MAN1B1: variants seen among roughly 807,000 people sequenced by gnomAD.
MAN1B1 encodes mannosidase alpha class 1B member 1.
A neutral mutation model predicts 75.5 loss-of-function variants in MAN1B1; 66 were observed. The observed-to-expected ratio is 0.87, with a 90% confidence interval of 0.72 to 1.07. The LOEUF is 1.07. Ranked by LOEUF, MAN1B1 falls within the 50% of genes least tolerant of loss-of-function variation. MAN1B1 has a pLI of 0.00. For synonymous variants in MAN1B1, 453 were observed against 382.8 expected (o/e 1.18, Z -2.14); for missense variants, 973 against 912.5 (o/e 1.07, Z -0.85).
chr9:137,088,794 G>A (rs1436485788), intron 2 of MAN1B1, 75 bp from the exon 3 acceptor site: 4 of 1,507,296 alleles, frequency 2.7e-6, no homozygotes, highest in Admixed American at 3.4e-5. Context: ...TGCCTGCCAA[G>A]TGTTTTTATA....
intron 8 of MAN1B1, chr9:137,103,415 C>G: frequency 2.3e-6 from 1 of 431,406 alleles, no homozygotes; most frequent in South Asian, 1.6e-5. Flanking sequence ...GGTGGTGTTA[C>G]ATTCACGCTG....
In MAN1B1 at chr9:137,108,612, G is replaced by C. The variant is rs955195943; in HGVS notation, c.*21G>C. Reference sequence around the variant, plus strand: ...CCTAGGGTGGATGGCTGCTGGTGTGGGGACTTCGGGTGGGCAGAGGCACCT... The same window carrying C: ...CCTAGGGTGGATGGCTGCTGGTGTGCGGACTTCGGGTGGGCAGAGGCACCT... On this transcript the variant is annotated 3_prime_UTR_variant, in exon 13 of 13. Transcript: ENST00000371589. 1 of 1,612,120 alleles carries C rather than the reference G, an allele frequency of 6.2e-7. No homozygotes were observed. Among genetic ancestry groups the C allele is most frequent in the Non-Finnish European group, 8.5e-7 (1 of 1,178,810 alleles).
intron 9 of MAN1B1, 104 bp downstream of exon 9, chr9:137,106,419 C>G (rs896269759): frequency 8.7e-7 from 1 of 1,150,866 alleles, no homozygotes; most frequent in Non-Finnish European, 1.2e-6. Flanking sequence ...TGCTGCCCCC[C>G]GCCACACTGT....
Position 137,097,907 on chromosome 9 carries a change from C to A in MAN1B1, c.700C>A (p.Leu234Met). 6.4e-7 allele frequency: 1 copy of A among 1,559,864 alleles called. No individual in the cohort carries two copies. The highest frequency in any genetic ancestry group is 8.7e-7 in the Non-Finnish European group (1 of 1,152,340). The change falls in exon 5 of 13, where the codon CTG (leucine) becomes ATG (methionine). Residue 234 changes from leucine (L) to methionine (M), a missense_variant. Leu to Met is a conservative substitution (Grantham distance 15, BLOSUM62 2). Transcript: ENST00000371589. ...AGCAGAAGTGCCCACCAAGCCTCCC[C>A]TGCCACCGGCCAGGACACAGGGCAC... is the stretch of plus-strand genomic sequence containing the variant. ...RRAEVPTKPP[L>M]PPARTQGTPV...
chr9:137,107,697 C>T, intron 12 of MAN1B1, 35 bp downstream of exon 12: 1 of 1,610,512 alleles, frequency 6.2e-7, no homozygotes, highest in South Asian at 1.1e-5. Context: ...TGGTCACGGC[C>T]ACCGGGCCAC....
At chr9:137,105,354 CACACGCCA>C (rs1831056910) in intron 8 of MAN1B1, 1 of 76,380 alleles carries the variant, frequency 1.3e-5, no homozygotes, top group East Asian at 1.1e-3. Flanking sequence ...GTGAGGCTCC[CACACGCCA>C]TCCACGTGAG....
intron 8 of MAN1B1, chr9:137,105,332 C>T (rs1369268531): frequency 6.3e-6 from 1 of 159,018 alleles, no homozygotes; most frequent in Admixed American, 6.5e-5. Context: ...AAGTGCAGCC[C>T]ACACCATCCA....
intron 7 of MAN1B1, 59 bp downstream of exon 7, chr9:137,101,212 C>G (rs1830800782): frequency 1.3e-6 from 2 of 1,593,476 alleles, no homozygotes; most frequent in South Asian, 2.2e-5. Flanking sequence ...GCAGTTACCC[C>G]TTTAGTGGAC....
chr9:137,106,684 C>T lies in MAN1B1; in HGVS notation c.1446-5C>T, dbSNP rs1564312431. 4.3e-6 allele frequency: 7 copies of T among 1,613,266 alleles called. No homozygotes were observed. The highest frequency in any genetic ancestry group is 1.3e-5 in the African/African-American group (1 of 74,940). On this transcript the variant is annotated splice_polypyrimidine_tract_variant and splice_region_variant and intron_variant, in intron 9 of 12. Transcript: ENST00000371589. ...GTAGAGTGAGATGACTGCTGGTGTC[C>T]ACAGGCTGCTGGAAGACTACGTGGA...
chr9:137,093,797 G>C (rs1430783531), intron 3 of MAN1B1, among the ~76,000 whole-genome samples: 1 of 151,972 alleles, frequency 6.6e-6, no homozygotes, highest in African/African-American at 2.4e-5. Flanking sequence ...TCGCGCCACT[G>C]CACTCCAGCC....
At position 137,107,611 on chromosome 9, in the gene MAN1B1, A is replaced by G. The variant is rs77684216; in HGVS notation, c.1845A>G (p.Lys615=). The G allele has an allele frequency of 5.8e-4, 927 of 1,611,520 alleles. 4 individuals are homozygous for G. The African/African-American group carries it at 0.011, about 20-fold the overall frequency. ...TGTACCGCGTCACAGGGGACCGCAA[A>G]TACCAGGACTGGGGCTGGGAGATTC... ...FYLYRVTGDR[K]YQDWGWEILQ... Residue 615 remains lysine (K), a synonymous_variant, in exon 12 of 13, where the codon AAA becomes AAG. Coordinates refer to ENST00000371589, the MANE Select transcript of MAN1B1 (RefSeq NM_016219.5).
chr9:137,102,098 G>A (rs1393401029), intron 8 of MAN1B1: 2 of 447,954 alleles, frequency 4.5e-6, no homozygotes, highest in Admixed American at 4.9e-5. Flanking sequence ...TGCTGTTGCA[G>A]GCGTGCAGGT....
In MAN1B1 at chr9:137,098,542, C is replaced by T. The variant is rs560446631; in HGVS notation, c.730+605C>T. Among the ~76,000 whole-genome samples, 5 of 152,220 alleles carry T rather than the reference C, an allele frequency of 3.3e-5. No homozygotes were observed. The East Asian group carries it at 9.6e-4, about 29-fold the overall frequency. On this transcript the variant is annotated intron_variant, in intron 5 of 12. Coordinates refer to ENST00000371589, the MANE Select transcript of MAN1B1 (RefSeq NM_016219.5). ...TCTGAGGTGGGGAGGGAGCCCAGAG[C>T]CAGGACTCCCAGCCCCGGGCCTGTG...
In MAN1B1 at chr9:137,107,347, C is replaced by T. The variant is rs1276561361; in HGVS notation, c.1664C>T (p.Thr555Ile). The change falls in exon 11 of 13, where the codon ACT becomes ATT. Residue 555 changes from threonine to isoleucine, a missense_variant. By Grantham distance (89) the Thr-to-Ile change is moderately conservative. Transcript: ENST00000371589. ...GAGCTGGCCCAGGAGCTCATGGAGA[C>T]TTGTTACCAGATGAACCGGCAGATG... ...HMELAQELME[T>I]CYQMNRQMET... 1.2e-6 allele frequency: 2 copies of T among 1,613,372 alleles called. No individual in the cohort carries two copies. The highest frequency in any genetic ancestry group is 2.2e-5 in the South Asian group (2 of 91,090).
chr9:137,095,602 C>G (rs1389309795), intron 3 of MAN1B1, among the ~76,000 whole-genome samples: 2 of 152,158 alleles, frequency 1.3e-5, no homozygotes, highest in Non-Finnish European at 2.9e-5. Context: ...CCACAGAAAA[C>G]TGAGGCCATA....
chr9:137,096,462 C>T (rs982339315), intron 4 of MAN1B1, 71 bp downstream of exon 4: 41 of 1,539,226 alleles, frequency 2.7e-5, no homozygotes, highest in Middle Eastern at 2.1e-4. Flanking sequence ...ATTGCGGAAA[C>T]GCATTGTGTC....
At chr9:137,107,971 C>T (rs764553040) in intron 12 of MAN1B1, 12 of 628,362 alleles carry the variant, frequency 1.9e-5, no homozygotes, top group East Asian at 5.5e-5. Flanking sequence ...AGGAGGCACA[C>T]GCACCCATGA....
chr9:137,107,948 A>T, intron 12 of MAN1B1: 1 of 635,102 alleles, frequency 1.6e-6, no homozygotes, highest in Middle Eastern at 2.6e-4. Context: ...TGGGCCCAGC[A>T]TCCCCCCAGT....
intron 3 of MAN1B1, among the ~76,000 whole-genome samples, chr9:137,094,084 C>T (rs1160705595): frequency 6.6e-6 from 1 of 150,768 alleles, no homozygotes; most frequent in Non-Finnish European, 1.5e-5. Flanking sequence ...GCACAATCTC[C>T]ACTCACTGCA....
Sources: gnomAD v4.1 joint callset for allele counts (sites outside exome capture counted in the v4.1 genomes callset) on GRCh38, gnomAD v4.1.1 for gene constraint, MANE v1.5 for transcripts, NCBI Gene and HGNC (gene_info 2026-07-23, HGNC 2026-07-21) for gene names.